The following CNIH3 variants were observed in gnomAD, a reference collection of about 807,000 sequenced individuals.
CNIH3 encodes cornichon family AMPA receptor auxiliary protein 3, also known as protein cornichon homolog 3.
In CNIH3, 14 loss-of-function variants were observed where a neutral mutation model predicts 24.1. The observed-to-expected ratio is 0.58, with a 90% confidence interval of 0.38 to 0.91. CNIH3 has a LOEUF of 0.91. Among genes scored for constraint, CNIH3 ranks in the 40% least tolerant of loss-of-function variants. CNIH3 has a pLI of 0.00. For missense variants in CNIH3, 178 were observed against 196.8 expected (o/e 0.90, Z 0.57); for synonymous variants, 68 against 73.8 (o/e 0.92, Z 0.40).
chr1:224,566,453 T>C (rs1025771329), intron 4 of CNIH3, among the ~76,000 whole-genome samples: 2 of 152,178 alleles, frequency 1.3e-5, no homozygotes, highest in East Asian at 1.9e-4. Flanking sequence ...ACATGTGCCA[T>C]GGTGGTTTGC....
At chr1:224,513,218 G>T (rs909259984), upstream of CNIH3, among the ~76,000 whole-genome samples, 1 of 151,844 alleles carries the variant, frequency 6.6e-6, no homozygotes, top group Non-Finnish European at 1.5e-5. Context: ...GAGTGCAGTG[G>T]TGTGATCACA....
rs917600938 is a variant in CNIH3, at chr1:224,710,505, G to A, written c.199-19957G>A. Among the ~76,000 whole-genome samples the A allele has an allele frequency of 1.3e-4, 20 of 152,150 alleles. 1 individual carries two copies. The South Asian group carries it at 2.7e-3, about 20-fold the overall frequency. On this transcript the variant is annotated intron_variant, in intron 3 of 5. Coordinates refer to ENST00000272133, the MANE Select transcript of CNIH3 (RefSeq NM_152495.2). ...TAATTTCCATACCCAGAAATCTCTG[G>A]ATCCCAGTTTTGGAGAATAAGTGAC...
intron 3 of CNIH3, among the ~76,000 whole-genome samples, chr1:224,596,212 G>A (rs1361380482): frequency 6.6e-6 from 1 of 152,200 alleles, no homozygotes; most frequent in Non-Finnish European, 1.5e-5. Flanking sequence ...TGCAATTGTT[G>A]ACTTTAAGTT....
chr1:224,560,128 T>A (rs1680303664), intron 3 of CNIH3, among the ~76,000 whole-genome samples: 1 of 152,220 alleles, frequency 6.6e-6, no homozygotes, highest in Non-Finnish European at 1.5e-5. Context: ...GTTTTACTGC[T>A]GGACATTTGC....
At chr1:224,646,972 A>T (rs553282563) in intron 1 of CNIH3, among the ~76,000 whole-genome samples, 1 of 152,234 alleles carries the variant, frequency 6.6e-6, no homozygotes, top group African/African-American at 2.4e-5. Context: ...TGTCACACAC[A>T]TGGCCCCGTC....
rs142384843 is a variant in CNIH3 at position 224,601,515 on chromosome 1, G to A, written n.402+35251G>A. On this transcript the variant is annotated intron_variant and non_coding_transcript_variant, in intron 3 of 7. Transcript: ENST00000478120. Reference sequence around the variant, plus strand: ...TATTGGGAGACTGGCTTTCCCTGGCGCTGGCTGTGACCAGTTATTATTTTA... The same window carrying A: ...TATTGGGAGACTGGCTTTCCCTGGCACTGGCTGTGACCAGTTATTATTTTA... Among the ~76,000 whole-genome samples the A allele has an allele frequency of 2.2e-3, 329 of 151,746 alleles. 1 individual carries two copies. The highest frequency in any genetic ancestry group is 7.2e-3 in the African/African-American group (297 of 41,502).
rs1172359477 is a variant in CNIH3, at chr1:224,567,158, A to G, written n.516+894A>G. 2.0e-5 allele frequency among the ~76,000 whole-genome samples: 3 copies of G among 152,198 alleles called. No homozygotes were observed. In the East Asian group the frequency reaches 5.8e-4, roughly 29 times the overall value. On this transcript the variant is annotated intron_variant and non_coding_transcript_variant, in intron 4 of 5. Coordinates refer to the CNIH3 transcript ENST00000471578. The stretch of plus-strand genomic sequence containing the variant: ...TTTTCATATGTTTGTTGGCTGCATA[A>G]ATGTCTTCTTTTGAGAAGTGCCTGT...
At chr1:224,553,389 G>A (rs1265271749) in intron 3 of CNIH3, among the ~76,000 whole-genome samples, 3 of 151,888 alleles carry the variant, frequency 2.0e-5, no homozygotes, top group East Asian at 1.9e-4. Flanking sequence ...ATGCTACTTC[G>A]CTTGAAAGAT....
chr1:224,450,486 G>A (rs915030176), intron 1 of CNIH3, among the ~76,000 whole-genome samples: 5 of 152,144 alleles, frequency 3.3e-5, no homozygotes, highest in African/African-American at 1.2e-4. Context: ...AGGGTAAAGA[G>A]CATTCCAGGC....
chr1:224,597,174 CAA>C (rs71725215), intron 3 of CNIH3, among the ~76,000 whole-genome samples: 5 of 146,974 alleles, frequency 3.4e-5, no homozygotes, highest in South Asian at 2.1e-4. Flanking sequence ...AACAAACAAA[CAA>C]AAAAAAAAAC....
At chr1:224,626,789 T>C (rs1343599268) in intron 1 of CNIH3, among the ~76,000 whole-genome samples, 3 of 152,162 alleles carry the variant, frequency 2.0e-5, no homozygotes, top group Non-Finnish European at 2.9e-5. Context: ...ACCCCACAGG[T>C]AGACTTTATT....
intron 1 of CNIH3, among the ~76,000 whole-genome samples, chr1:224,644,666 C>A (rs187769057): frequency 6.6e-6 from 1 of 152,308 alleles, no homozygotes; most frequent in East Asian, 1.9e-4. Flanking sequence ...TGTCCTTTAT[C>A]CCACAGATAC....
At chr1:224,444,653 C>CT (rs1353678764) in intron 1 of CNIH3, among the ~76,000 whole-genome samples, 348 of 141,594 alleles carry the variant, frequency 2.5e-3, no homozygotes, top group African/African-American at 8.2e-3. Context: ...CTGCTGGTTT[C>CT]TTTTTTTTTT....
At chr1:224,692,179 G>A (rs1262624549) in intron 3 of CNIH3, among the ~76,000 whole-genome samples, 1 of 152,136 alleles carries the variant, frequency 6.6e-6, no homozygotes, top group Non-Finnish European at 1.5e-5. Context: ...GTGCACATCT[G>A]TAGTCCCAGC....
At chr1:224,676,043 A>G (rs942696103) in intron 1 of CNIH3, among the ~76,000 whole-genome samples, 1 of 152,244 alleles carries the variant, frequency 6.6e-6, no homozygotes, top group Non-Finnish European at 1.5e-5. Context: ...CCTTGTGTAG[A>G]TGTTTATAGC....
At chr1:224,732,368 T>G (rs548014263) in intron 4 of CNIH3, among the ~76,000 whole-genome samples, 71 of 152,194 alleles carry the variant, frequency 4.7e-4, no homozygotes, top group Middle Eastern at 3.4e-3. Flanking sequence ...GGAAAAAGAT[T>G]CGGTTACATC....
At chr1:224,572,769 C>A (rs1680877331) in intron 4 of CNIH3, among the ~76,000 whole-genome samples, 2 of 151,942 alleles carry the variant, frequency 1.3e-5, no homozygotes, top group African/African-American at 2.4e-5. Flanking sequence ...AAAAGGATGT[C>A]TTTTCATTTA....
rs546513610 is a variant in CNIH3, at chr1:224,707,785, C to T, written c.199-22677C>T. On this transcript the variant is annotated intron_variant, in intron 3 of 5. Coordinates refer to ENST00000272133, the MANE Select transcript of CNIH3 (RefSeq NM_152495.2). ...AAGTTCAGACCTGGCAGGCTGTACCCGCTTTTCAGCACTTACTGGGCATCC... is the reference window on the plus strand; with the variant it reads ...AAGTTCAGACCTGGCAGGCTGTACCTGCTTTTCAGCACTTACTGGGCATCC... 9.2e-5 allele frequency among the ~76,000 whole-genome samples: 14 copies of T among 152,316 alleles called. No individual in the cohort carries two copies. In the South Asian group the frequency reaches 1.5e-3, roughly 16 times the overall value.
chr1:224,683,743 G>T (rs1204549150), intron 2 of CNIH3, among the ~76,000 whole-genome samples: 5 of 152,194 alleles, frequency 3.3e-5, no homozygotes, highest in Non-Finnish European at 5.9e-5. Flanking sequence ...TTAAAGTAAT[G>T]GTAGATGTTG....
Sources: gnomAD v4.1 joint callset for allele counts (sites outside exome capture counted in the v4.1 genomes callset) on GRCh38, gnomAD v4.1.1 for gene constraint, MANE v1.5 for transcripts, NCBI Gene and HGNC (gene_info 2026-07-23, HGNC 2026-07-21) for gene names.